The following GCKR variants were observed in gnomAD, a reference collection of about 807,000 sequenced individuals.
GCKR encodes glucokinase regulatory protein.
In GCKR, 73 loss-of-function variants were observed where a neutral mutation model predicts 82.9. The observed-to-expected ratio is 0.88, with a 90% CI of 0.73 to 1.07. The LOEUF (loss-of-function observed/expected upper bound fraction) is 1.07. Among genes scored for constraint, GCKR ranks in the 50% least tolerant of loss-of-function variants. GCKR has a pLI of 0.00. For synonymous variants in GCKR, 294 were observed against 291.8 expected, an observed-to-expected ratio of 1.01 and a Z score of -0.08; for missense variants, 784 against 782.1, an observed-to-expected ratio of 1.00 and a Z score of -0.03.
chr2:27,514,079 C>T (rs1300394502), intron 16 of GCKR, among the ~76,000 whole-genome samples: 8 of 151,812 alleles, frequency 5.3e-5, no homozygotes, highest in African/African-American at 1.9e-4. Context: ...TTAGTGGGTT[C>T]TAGTATTTAG....
intron 4 of GCKR, 73 bp downstream of exon 4, chr2:27,498,396 A>G: frequency 8.5e-7 from 1 of 1,181,860 alleles, no homozygotes; most frequent in Non-Finnish European, 1.3e-6. Flanking sequence ...AAAGATCATC[A>G]TAACTAAGCT....
intron 2 of GCKR, 59 bp from the exon 3 acceptor site, chr2:27,497,503 C>G (rs1249517048): frequency 1.3e-6 from 2 of 1,561,882 alleles, no homozygotes; most frequent in Non-Finnish European, 1.8e-6. Context: ...CCCTGAGACC[C>G]CCTCCCCCAT....
At chr2:27,517,383 C>G (rs1180663662) in intron 16 of GCKR, among the ~76,000 whole-genome samples, 1 of 152,108 alleles carries the variant, frequency 6.6e-6, no homozygotes, top group Non-Finnish European at 1.5e-5. Flanking sequence ...AACTTACAAT[C>G]ATGGTGGAAG....
At chr2:27,515,625 A>G (rs911717327) in intron 16 of GCKR, among the ~76,000 whole-genome samples, 1 of 151,758 alleles carries the variant, frequency 6.6e-6, no homozygotes, top group Non-Finnish European at 1.5e-5. Flanking sequence ...GCTAGTAGAG[A>G]TGGTTTCTTT....
intron 8 of GCKR, chr2:27,501,820 A>C (rs1172157409): frequency 2.1e-6 from 1 of 470,404 alleles, no homozygotes; most frequent in South Asian, 1.6e-5. Flanking sequence ...ATAAATCAAC[A>C]TATTAAACCA....
Position 27,507,303 on chromosome 2 carries a change from A to G in GCKR, c.1135A>G (p.Thr379Ala). 6.2e-7 allele frequency: 1 copy of G among 1,604,528 alleles called. No homozygotes were observed. Among genetic ancestry groups the G allele is most frequent in the Non-Finnish European group, 8.5e-7 (1 of 1,171,422 alleles). ...SDMFNQKAELTNQGPQFTFSQ... is the reference protein window; with the variant it reads ...SDMFNQKAELANQGPQFTFSQ... ...CATGTTTAACCAGAAGGCTGAGCTC[A>G]CCAACCAGGTCGGAGAAGAACAGGA... Residue 379 changes from threonine to alanine, a missense_variant, in exon 13 of 19, where the codon ACC (threonine) becomes GCC (alanine). Transcript: ENST00000264717.
At chr2:27,507,199 C>A (rs755760586) in intron 12 of GCKR, 36 bp from the exon 13 acceptor site, 8 of 1,397,638 alleles carry the variant, frequency 5.7e-6, no homozygotes, top group Non-Finnish European at 8.1e-6. Flanking sequence ...CCTATATAGC[C>A]AATCACTCCT....
Position 27,507,281 on chromosome 2 carries a change from G to C in GCKR, c.1113G>C (p.Met371Ile). 1 of 1,612,830 alleles carries C rather than the reference G, an allele frequency of 6.2e-7. No homozygotes were observed. Among genetic ancestry groups the C allele is most frequent in the Non-Finnish European group, 8.5e-7 (1 of 1,178,826 alleles). The change falls in exon 13 of 19, where the codon ATG becomes ATC. Residue 371 changes from methionine to isoleucine, a missense_variant. Coordinates refer to ENST00000264717, the MANE Select transcript of GCKR (RefSeq NM_001486.4). ...TTCTCATTGGTGATCACAGTGACAT[G>C]TTTAACCAGAAGGCTGAGCTCACCA... ...RGFLIGDHSD[M>I]FNQKAELTNQ... is the part of the protein sequence containing the mutation.
intron 16 of GCKR, among the ~76,000 whole-genome samples, chr2:27,516,746 T>C (rs1478878668): frequency 1.3e-5 from 2 of 152,224 alleles, no homozygotes; most frequent in African/African-American, 4.8e-5. Context: ...GTTAGTGGTA[T>C]AACCTAGATC....
At chr2:27,516,695 A>G (rs1670019045) in intron 16 of GCKR, among the ~76,000 whole-genome samples, 1 of 152,182 alleles carries the variant, frequency 6.6e-6, no homozygotes, top group Non-Finnish European at 1.5e-5. Context: ...AAAATTTAAA[A>G]TATTTTTGTG....
At chr2:27,503,446 C>G (rs1669632584) in intron 8 of GCKR, 68 bp from the exon 9 acceptor site, 2 of 843,324 alleles carry the variant, frequency 2.4e-6, no homozygotes, top group Non-Finnish European at 4.1e-6. Context: ...GATCATGACT[C>G]CCAGCTGAGG....
At chr2:27,522,981 CT>C (rs1670187738) in intron 18 of GCKR, among the ~76,000 whole-genome samples, 1 of 151,506 alleles carries the variant, frequency 6.6e-6, no homozygotes, top group Non-Finnish European at 1.5e-5. Flanking sequence ...TCACTGCAAC[CT>C]CTGCCCCCGG....
chr2:27,506,176 C>T (rs1299966838), intron 10 of GCKR, among the ~76,000 whole-genome samples: 1 of 152,168 alleles, frequency 6.6e-6, no homozygotes, highest in Non-Finnish European at 1.5e-5. Context: ...ACCTGCCTCC[C>T]TCTCCAGGGT....
chr2:27,510,310 C>A (rs1293683642), intron 16 of GCKR, among the ~76,000 whole-genome samples: 1 of 152,170 alleles, frequency 6.6e-6, no homozygotes, highest in East Asian at 1.9e-4. Context: ...CGCCCGGCCA[C>A]TACTATCATT....
Position 27,506,883 on chromosome 2 carries a change from C to T in GCKR, c.1064C>T (p.Ala355Val), listed in dbSNP as rs1460788297. 2 of 1,585,814 alleles carry T rather than the reference C, an allele frequency of 1.3e-6. No homozygotes were observed. The highest frequency in any genetic ancestry group is 8.7e-7 in the Non-Finnish European group (1 of 1,154,184). Residue 355 changes from alanine to valine, a missense_variant and splice_region_variant, in exon 12 of 19, where the codon GCT (alanine) becomes GTT (valine). Coordinates refer to ENST00000264717, the MANE Select transcript of GCKR (RefSeq NM_001486.4). ...GTAGAGTGCATCCACACCTTTGGTG[C>T]TGGTGGGACCCCAGTCCAGATGTTC... ...DGVECIHTFGADFRDVRGFLI... is the reference protein window; with the variant it reads ...DGVECIHTFGVDFRDVRGFLI...
chr2:27,498,219 C>G, intron 3 of GCKR, 36 bp from the exon 4 acceptor site: 1 of 1,506,504 alleles, frequency 6.6e-7, no homozygotes, highest in Non-Finnish European at 9.2e-7. Context: ...CAACCTGAGC[C>G]AGGCCCTGGT....
In GCKR at chr2:27,507,997, A is replaced by T; in HGVS notation, c.1261A>T (p.Thr421Ser). 4 of 1,613,080 alleles carry T rather than the reference A, an allele frequency of 2.5e-6. No homozygotes were observed. Among genetic ancestry groups the T allele is most frequent in the Non-Finnish European group, 3.4e-6 (4 of 1,179,104 alleles). The change falls in exon 15 of 19, where the codon ACT becomes TCT. Residue 421 changes from threonine (T) to serine (S), a missense_variant. Thr to Ser is a moderately conservative substitution (Grantham distance 58). Transcript: ENST00000264717. ...TLDDNLTEVQ[T>S]IVEQVKEKTN... is the part of the protein sequence containing the mutation. ...CCTAGACAACCTCACGGAGGTGCAG[A>T]CTATAGTGGAGCAGGTGAAAGAGAA... is the stretch of plus-strand genomic sequence containing the variant.
chr2:27,508,509 C>T lies in GCKR; in HGVS notation c.1422+258C>T, dbSNP rs35073769. The stretch of plus-strand genomic sequence containing the variant: ...AGTCACCTGACAGATGTTCATTTGT[C>T]CTTTGGGACAGGTTAATTATTTTTA... On this transcript the variant is annotated intron_variant, in intron 16 of 18. Transcript: ENST00000264717. 0.38 allele frequency among the ~76,000 whole-genome samples: 57,490 copies of T among 151,936 alleles called. 11,194 individuals carry two copies. Among genetic ancestry groups the T allele is most frequent in the South Asian group, 0.45 (2,158 of 4,804 alleles).
At position 27,497,644 on chromosome 2, in the gene GCKR, T is replaced by G; in HGVS notation, c.285+14T>G. 6.5e-7 allele frequency: 1 copy of G among 1,537,792 alleles called. No individual in the cohort carries two copies. On this transcript the variant is annotated intron_variant, in intron 3 of 18. Coordinates refer to ENST00000264717, the MANE Select transcript of GCKR (RefSeq NM_001486.4). The stretch of plus-strand genomic sequence containing the variant: ...GAAGTGCTGAAGGTACTAACCTTCC[T>G]TCTGTTCCCTGCCTAAACTTTTCTG...
Sources: gnomAD v4.1 joint callset for allele counts (sites outside exome capture counted in the v4.1 genomes callset) on GRCh38, gnomAD v4.1.1 for gene constraint, MANE v1.5 for transcripts, NCBI Gene and HGNC (gene_info 2026-07-23, HGNC 2026-07-21) for gene names.